The following APP variants were observed in gnomAD, a reference collection of about 807,000 sequenced individuals.
APP encodes the protein amyloid beta precursor protein, also known as amyloid-beta precursor protein.
In APP, 31 loss-of-function variants were observed where a neutral mutation model predicts 101.4. That is an observed-to-expected ratio of 0.31 (90% CI 0.23 to 0.41). APP has a LOEUF of 0.41. APP is among the 10% of genes least tolerant of loss of function. The probability of loss-of-function intolerance (pLI) is 1.00; values close to 1 mark genes in which losing one functional copy is unlikely to be tolerated. For missense variants in APP, 839 were observed against 1,003.7 expected, an observed-to-expected ratio of 0.84 and a Z score of 2.22; for synonymous variants, 366 against 364.4, an observed-to-expected ratio of 1.00 and a Z score of -0.05.
Position 25,988,702 on chromosome 21 carries a change from C to CAAAAAAAAAAAAAAAAAA in APP, c.1091-6243_1091-6226dup, listed in dbSNP as rs537417600. On this transcript the variant is annotated intron_variant, in intron 8 of 17. Coordinates refer to ENST00000346798, the MANE Select transcript of APP (RefSeq NM_000484.4). Reference sequence around the variant, plus strand: ...GGGTGATAACAGCGAAACTCTGTCTCAAAAAAAAAAAAAAAAAAAAAGGAG... The same window carrying CAAAAAAAAAAAAAAAAAA: ...GGGTGATAACAGCGAAACTCTGTCTCAAAAAAAAAAAAAAAAAAAAAAAAAAAAAAAAAAAAAAAGGAG... 1.8e-3 allele frequency among the ~76,000 whole-genome samples: 111 copies of CAAAAAAAAAAAAAAAAAA among 62,338 alleles called. 5 individuals are homozygous for CAAAAAAAAAAAAAAAAAA. The highest frequency in any genetic ancestry group is 6.8e-3 in the African/African-American group (106 of 15,566). The allele number at this position is 62,338 out of a possible 152,430, so 40.9% of individuals were successfully genotyped here.
At chr21:26,115,998 A>G (rs752944825) in intron 1 of APP, among the ~76,000 whole-genome samples, 6 of 152,356 alleles carry the variant, frequency 3.9e-5, no homozygotes, top group Non-Finnish European at 7.3e-5. Context: ...GAACTGTGAT[A>G]TAACTGGCCG....
intron 5 of APP, among the ~76,000 whole-genome samples, chr21:26,034,573 C>A (rs1219978053): frequency 6.9e-6 from 1 of 144,422 alleles, no homozygotes; most frequent in Non-Finnish European, 1.5e-5. Flanking sequence ...ACCTGGGAGG[C>A]AGAGCCTGCA....
In APP at chr21:26,007,860, TTACTC is replaced by T. The variant is rs2043606789; in HGVS notation, c.866-7683_866-7679del. 3.3e-5 allele frequency among the ~76,000 whole-genome samples: 5 copies of T among 152,288 alleles called. No individual in the cohort carries two copies. In the South Asian group the frequency reaches 6.2e-4, roughly 19 times the overall value. On this transcript the variant is annotated intron_variant, in intron 6 of 17. Coordinates refer to ENST00000346798, the MANE Select transcript of APP (RefSeq NM_000484.4). ...GTCGTCAAAAAACATGTTTAGAAAA[TTACTC>T]TAATAAGGCAATAAATTATCAAATA...
At chr21:26,047,703 T>C (rs1044401444) in intron 5 of APP, among the ~76,000 whole-genome samples, 1 of 152,308 alleles carries the variant, frequency 6.6e-6, no homozygotes, top group South Asian at 2.1e-4. Flanking sequence ...ATACAAACCG[T>C]CTGTCTTAAT....
At chr21:26,167,775 C>T (rs988189045) in intron 1 of APP, among the ~76,000 whole-genome samples, 2 of 152,218 alleles carry the variant, frequency 1.3e-5, no homozygotes, top group Non-Finnish European at 2.9e-5. Context: ...ATTATTCCAT[C>T]TAGTAACTTC....
At chr21:25,980,193 TG>T (rs1233440788) in intron 9 of APP, among the ~76,000 whole-genome samples, 1 of 151,904 alleles carries the variant, frequency 6.6e-6, no homozygotes, top group African/African-American at 2.4e-5. Context: ...AAGGAAGAGG[TG>T]GTAGGAAGAC....
intron 11 of APP, among the ~76,000 whole-genome samples, chr21:25,973,053 T>C (rs1235893269): frequency 6.6e-6 from 1 of 151,926 alleles, no homozygotes; most frequent in Non-Finnish European, 1.5e-5. Context: ...AACAAACTAG[T>C]TATAACTTAT....
chr21:25,899,687 CTG>C (rs766095593), intron 15 of APP, among the ~76,000 whole-genome samples: 2 of 152,222 alleles, frequency 1.3e-5, no homozygotes, highest in South Asian at 4.1e-4. Flanking sequence ...ATGACGGACA[CTG>C]TGCCAGAACC....
chr21:26,018,179 AATT>A (rs2146762938), intron 6 of APP, among the ~76,000 whole-genome samples: 1 of 152,286 alleles, frequency 6.6e-6, no homozygotes, highest in African/African-American at 2.4e-5. Flanking sequence ...CGGGTTATGA[AATT>A]ATTGAGTTTT....
At chr21:26,080,817 G>T (rs573991815) in intron 3 of APP, among the ~76,000 whole-genome samples, 3 of 151,884 alleles carry the variant, frequency 2.0e-5, no homozygotes, top group Non-Finnish European at 4.4e-5. Flanking sequence ...AAGATTACTG[G>T]TATCTTTTAC....
At chr21:26,042,501 C>T (rs2045417018) in intron 5 of APP, among the ~76,000 whole-genome samples, 1 of 152,226 alleles carries the variant, frequency 6.6e-6, no homozygotes, top group Admixed American at 6.5e-5. Context: ...TCTCAGAGCA[C>T]AATGACCATA....
At chr21:25,959,668 T>C (rs1009781251) in intron 11 of APP, among the ~76,000 whole-genome samples, 1 of 152,172 alleles carries the variant, frequency 6.6e-6, no homozygotes, top group African/African-American at 2.4e-5. Flanking sequence ...AGCTAATGCA[T>C]GAAATTATTT....
chr21:26,021,492 A>G (rs1250148515), intron 6 of APP, among the ~76,000 whole-genome samples: 4 of 152,174 alleles, frequency 2.6e-5, no homozygotes, highest in Non-Finnish European at 4.4e-5. Flanking sequence ...GTAACAGACA[A>G]TATTATATAA....
chr21:26,097,617 A>T (rs2061972831), intron 2 of APP, among the ~76,000 whole-genome samples: 1 of 152,222 alleles, frequency 6.6e-6, no homozygotes, highest in Admixed American at 6.5e-5. Flanking sequence ...GATTACTGTA[A>T]ATAAGCACTC....
intron 5 of APP, among the ~76,000 whole-genome samples, chr21:26,043,522 T>C (rs926448894): frequency 6.6e-6 from 1 of 152,192 alleles, no homozygotes; most frequent in Admixed American, 6.5e-5. Context: ...TGAGCCACCA[T>C]GCCTGGCCTA....
At chr21:26,111,477 C>T (rs1396730628) in intron 2 of APP, among the ~76,000 whole-genome samples, 2 of 152,094 alleles carry the variant, frequency 1.3e-5, no homozygotes, top group East Asian at 3.9e-4. Flanking sequence ...GTGGCTCATA[C>T]CCGTAATCTC....
intron 1 of APP, among the ~76,000 whole-genome samples, chr21:26,141,457 G>C (rs765019656): frequency 9.9e-5 from 15 of 152,156 alleles, no homozygotes; most frequent in Non-Finnish European, 1.9e-4. Flanking sequence ...TTGAAAAATA[G>C]ATCTACAAAA....
intron 13 of APP, among the ~76,000 whole-genome samples, chr21:25,949,310 T>C (rs2040963874): frequency 6.6e-6 from 1 of 152,162 alleles, no homozygotes; most frequent in African/African-American, 2.4e-5. Context: ...GATGACCAAA[T>C]AGCAGAGGGT....
intron 3 of APP, among the ~76,000 whole-genome samples, chr21:26,081,353 G>A (rs1332611937): frequency 4.0e-5 from 6 of 150,504 alleles, no homozygotes; most frequent in Admixed American, 1.3e-4. Flanking sequence ...TGTAAGATTC[G>A]GGTAGGTAAA....
Sources: gnomAD v4.1 joint callset for allele counts (sites outside exome capture counted in the v4.1 genomes callset) on GRCh38, gnomAD v4.1.1 for gene constraint, MANE v1.5 for transcripts, NCBI Gene and HGNC (gene_info 2026-07-23, HGNC 2026-07-21) for gene names.